Variants in PCDHGB1 observed in about 807,000 individuals in gnomAD.
PCDHGB1 encodes the protein protocadherin gamma-B1.
In PCDHGB1, 34 loss-of-function variants were observed where a neutral mutation model predicts 56.6. That is an observed-to-expected ratio of 0.60 (90% CI 0.46 to 0.80). The LOEUF (loss-of-function observed/expected upper bound fraction) is 0.80, where lower values mean the gene tolerates loss of function less well. Ranked by LOEUF, PCDHGB1 falls within the 30% of genes least tolerant of loss-of-function variation. The pLI, the probability that PCDHGB1 is intolerant of heterozygous loss-of-function variation, is 0.00. For missense variants in PCDHGB1, 1,278 were observed against 1,204.6 expected, an observed-to-expected ratio of 1.06 and a Z score of -0.90; for synonymous variants, 561 against 505.9, an observed-to-expected ratio of 1.11 and a Z score of -1.46.
chr5:141,392,167 C>T (rs565694057), intron 1 of PCDHGB1: 40 of 152,290 alleles, frequency 2.6e-4, no homozygotes, highest in African/African-American at 7.9e-4. Context: ...ATTTCTGAGT[C>T]AGTCATCTCC....
At chr5:141,384,574 C>T in intron 1 of PCDHGB1, 1 of 1,614,228 alleles carries the variant, frequency 6.2e-7, no homozygotes, top group Non-Finnish European at 8.5e-7. Flanking sequence ...GAATGACAAC[C>T]CGCCCGAGAT....
intron 1 of PCDHGB1, chr5:141,478,144 G>A (rs2099432883): frequency 6.2e-7 from 1 of 1,613,918 alleles, no homozygotes; most frequent in Non-Finnish European, 8.5e-7. Flanking sequence ...CCCGAGCCGA[G>A]TTCCCCTCTG....
At chr5:141,388,710 G>T in intron 1 of PCDHGB1, 1 of 1,613,966 alleles carries the variant, frequency 6.2e-7, no homozygotes, top group Non-Finnish European at 8.5e-7. Context: ...TGTCAATGCC[G>T]AGATTACTTT....
intron 1 of PCDHGB1, chr5:141,356,054 G>A: frequency 1.9e-6 from 3 of 1,613,936 alleles, no homozygotes; most frequent in South Asian, 1.1e-5. Context: ...CGGAAAGTAA[G>A]AGACAAAATA....
chr5:141,494,929 GGA>G, intron 2 of PCDHGB1, 64 bp downstream of exon 2: 1 of 1,613,142 alleles, frequency 6.2e-7, no homozygotes, highest in Non-Finnish European at 8.5e-7. Flanking sequence ...TGACGTGGGA[GGA>G]GATGGGGGAG....
At chr5:141,385,135 G>T (rs948872903) in intron 1 of PCDHGB1, 7 of 1,614,214 alleles carry the variant, frequency 4.3e-6, no homozygotes, top group African/African-American at 2.7e-5. Context: ...CATGGACGGG[G>T]TGCAGGCTTT....
intron 1 of PCDHGB1, chr5:141,394,289 C>G (rs191844335): frequency 2.5e-6 from 4 of 1,613,954 alleles, no homozygotes; most frequent in Admixed American, 1.7e-5. Context: ...ACTCTGTGAC[C>G]GAGGACACGC....
In PCDHGB1 at chr5:141,417,886, C is replaced by G. The variant is rs1330007520; in HGVS notation, c.2409+65217C>G. Reference sequence around the variant, plus strand: ...TGGGAGGGAGCTGCGCGCAGAGGCGCCGGGCCGGCCCGCGGCAGGTACTAT... The same window carrying G: ...TGGGAGGGAGCTGCGCGCAGAGGCGGCGGGCCGGCCCGCGGCAGGTACTAT... On this transcript the variant is annotated intron_variant, in intron 1 of 3. Transcript: ENST00000523390. The G allele has an allele frequency of 9.0e-6, 14 of 1,563,624 alleles. No individual in the cohort carries two copies. The African/African-American group carries it at 1.9e-4, about 21-fold the overall frequency.
At chr5:141,387,666 A>C (rs1286333740) in intron 1 of PCDHGB1, 1 of 683,200 alleles carries the variant, frequency 1.5e-6, no homozygotes, top group African/African-American at 1.8e-5. Flanking sequence ...TTGGCGCTCC[A>C]GATCTCCTCG....
At chr5:141,399,435 A>G (rs568070353) in intron 1 of PCDHGB1, 20 of 1,613,972 alleles carry the variant, frequency 1.2e-5, no homozygotes, top group African/African-American at 9.3e-5. Context: ...GCGTCATCCT[A>G]CATATCAGAG....
At chr5:141,450,006 C>CTTTTTT (rs1554136305) in intron 1 of PCDHGB1, among the ~76,000 whole-genome samples, 15 of 132,950 alleles carry the variant, frequency 1.1e-4, no homozygotes, top group African/African-American at 2.0e-4. Context: ...TGCCATGTCT[C>CTTTTTT]TTTTTTTTTT....
At chr5:141,401,322 A>G (rs2094140521) in intron 1 of PCDHGB1, among the ~76,000 whole-genome samples, 1 of 152,218 alleles carries the variant, frequency 6.6e-6, no homozygotes, top group African/African-American at 2.4e-5. Flanking sequence ...AGCCTGGGCA[A>G]CAAGAGCAAA....
In PCDHGB1 at chr5:141,511,259, A is replaced by G; in HGVS notation, c.*86A>G. On this transcript the variant is annotated 3_prime_UTR_variant, in exon 4 of 4. Transcript: ENST00000523390. ...ACCTGCACCCAGGCCTCAGAGTTTCAGGGCTAACCCCCAGAATACTGGTAG... is the reference window on the plus strand; with the variant it reads ...ACCTGCACCCAGGCCTCAGAGTTTCGGGGCTAACCCCCAGAATACTGGTAG... 1.3e-6 allele frequency: 2 copies of G among 1,559,840 alleles called. No individual in the cohort carries two copies. The highest frequency in any genetic ancestry group is 1.7e-6 in the Non-Finnish European group (2 of 1,152,466).
chr5:141,384,998 T>A, intron 1 of PCDHGB1: 1 of 1,614,130 alleles, frequency 6.2e-7, no homozygotes, highest in East Asian at 2.2e-5. Flanking sequence ...GTGGCCACAG[T>A]CTCCTGCGTC....
At chr5:141,365,272 C>A in intron 1 of PCDHGB1, 1 of 1,613,984 alleles carries the variant, frequency 6.2e-7, no homozygotes, top group Non-Finnish European at 8.5e-7. Context: ...AATCCAGATT[C>A]TACCTCATGG....
chr5:141,408,510 A>G (rs1298660421), intron 1 of PCDHGB1: 21 of 1,613,870 alleles, frequency 1.3e-5, no homozygotes, highest in Non-Finnish European at 1.8e-5. Context: ...AGAAGATGTG[A>G]GTTGCAATTG....
chr5:141,389,914 C>G (rs754458764), intron 1 of PCDHGB1: 1 of 1,614,074 alleles, frequency 6.2e-7, no homozygotes, highest in Non-Finnish European at 8.5e-7. Flanking sequence ...ACTGACCGCC[C>G]CGACCCCTCT....
At chr5:141,361,594 G>A in intron 1 of PCDHGB1, 1 of 1,614,056 alleles carries the variant, frequency 6.2e-7, no homozygotes, top group East Asian at 2.2e-5. Flanking sequence ...CAGTGGCCAA[G>A]TTTCCTACTC....
intron 1 of PCDHGB1, chr5:141,416,753 G>A (rs1168212796): frequency 1.3e-5 from 2 of 152,154 alleles, no homozygotes; most frequent in Non-Finnish European, 2.9e-5. Context: ...GACGTATTAG[G>A]TAGATCTCTT....
Sources: gnomAD v4.1 joint callset for allele counts (sites outside exome capture counted in the v4.1 genomes callset) on GRCh38, gnomAD v4.1.1 for gene constraint, MANE v1.5 for transcripts, NCBI Gene and HGNC (gene_info 2026-07-23, HGNC 2026-07-21) for gene names.